Variants in GBP1 observed in about 807,000 individuals in gnomAD.
GBP1 encodes the protein guanylate-binding protein 1.
GBP1 carries 64 observed loss-of-function variants against 69.5 expected under a neutral mutation model. The observed-to-expected ratio is 0.92, with a 90% CI of 0.75 to 1.13. The LOEUF (loss-of-function observed/expected upper bound fraction) is 1.13. GBP1 is among the 50% of genes most tolerant of loss of function. GBP1 has a pLI of 0.00. For missense variants in GBP1, 630 were observed against 704.1 expected (o/e 0.89, Z 1.19); for synonymous variants, 250 against 261.2 (o/e 0.96, Z 0.41).
intron 8 of GBP1, 38 bp from the exon 9 acceptor site, chr1:89,055,253 T>G: frequency 6.2e-7 from 1 of 1,612,144 alleles, no homozygotes. Flanking sequence ...AAGTAGGAAA[T>G]GGCTGTAAGC....
Position 89,056,029 on chromosome 1 carries a change from C to T in GBP1, c.1355G>A (p.Arg452Lys), listed in dbSNP as rs1557748148. The T allele has an allele frequency of 6.2e-7, 1 of 1,613,934 alleles. No individual in the cohort carries two copies. Among genetic ancestry groups the T allele is most frequent in the Non-Finnish European group, 8.5e-7 (1 of 1,179,854 alleles). ...DLKKKYYEEP[R>K]KGIQAEEILQ... ...AATCTTGGTTACCTGTATCCCCTTCCTCGGTTCCTCATAGTACTTTTTCTT... is the reference window on the plus strand; with the variant it reads ...AATCTTGGTTACCTGTATCCCCTTCTTCGGTTCCTCATAGTACTTTTTCTT... The change falls in exon 8 of 11, where the codon AGG becomes AAG. Residue 452 changes from arginine (R) to lysine (K), a missense_variant. By Grantham distance (26) the Arg-to-Lys change is conservative. This residue lies in a region of GBP1 where 367 missense variants were observed against 369.5 expected (regional missense o/e 0.99). Transcript: ENST00000370473.
intron 3 of GBP1, 113 bp from the exon 4 acceptor site, chr1:89,059,539 T>A: frequency 1.4e-6 from 1 of 697,562 alleles, no homozygotes. Context: ...TTCTTTTCTT[T>A]TTTTTTTTTT....
rs183492791 is a variant in GBP1, at chr1:89,054,938, A to G, written c.1472-63T>C. 3 of 1,577,816 alleles carry G rather than the reference A, an allele frequency of 1.9e-6. No individual in the cohort carries two copies. The Admixed American group carries it at 5.2e-5, about 27-fold the overall frequency. On this transcript the variant is annotated intron_variant, in intron 9 of 10. Coordinates refer to ENST00000370473, the MANE Select transcript of GBP1 (RefSeq NM_002053.3). Reference sequence around the variant, plus strand: ...TTATCTTGTTGCCTCATTCTTCCTTATACACTTACCTGTCGTTGTTGCTGA... The same window carrying G: ...TTATCTTGTTGCCTCATTCTTCCTTGTACACTTACCTGTCGTTGTTGCTGA...
chr1:89,062,943 A>T, intron 2 of GBP1, 102 bp downstream of exon 2: 1 of 1,397,162 alleles, frequency 7.2e-7, no homozygotes. Context: ...GTTAGCTTTC[A>T]GTATTCATCC....
chr1:89,054,900 A>C (rs755844942), intron 9 of GBP1, 25 bp from the exon 10 acceptor site: 4 of 1,606,748 alleles, frequency 2.5e-6, no homozygotes, highest in Non-Finnish European at 3.4e-6. Context: ...GCAGAAGAAA[A>C]ATTTGTGTGG....
intron 5 of GBP1, 156 bp downstream of exon 5, chr1:89,058,685 C>G: frequency 1.4e-6 from 1 of 715,276 alleles, no homozygotes; most frequent in Non-Finnish European, 2.3e-6. Flanking sequence ...AAAATAACAT[C>G]TATTAATTTG....
At position 89,058,110 on chromosome 1, in the gene GBP1, T is replaced by C. The variant is rs772869889; in HGVS notation, c.756A>G (p.Lys252=). Residue 252 remains lysine, a synonymous_variant, in exon 6 of 11, where the codon AAA becomes AAG. Coordinates refer to ENST00000370473, the MANE Select transcript of GBP1 (RefSeq NM_002053.3). ...CGGGGTCCAGCTCTTCATCTTGTAG[T>C]TTCTCGAGCTGGGCAAGCTTCCTGC... The part of the protein sequence containing the change: ...VHRRKLAQLE[K]LQDEELDPEF... The C allele has an allele frequency of 6.2e-7, 1 of 1,614,186 alleles. No homozygotes were observed. The highest frequency in any genetic ancestry group is 2.2e-5 in the East Asian group (1 of 44,886).
At chr1:89,058,364 C>T in intron 5 of GBP1, 130 bp from the exon 6 acceptor site, 2 of 785,294 alleles carry the variant, frequency 2.5e-6, no homozygotes, top group Non-Finnish European at 4.1e-6. Context: ...GTTATTGAAG[C>T]ATGACAACAG....
chr1:89,055,111 A>T lies in GBP1; in HGVS notation c.1471+2T>A. 1 of 1,607,674 alleles carries T rather than the reference A, an allele frequency of 6.2e-7. No individual in the cohort carries two copies. Among genetic ancestry groups the T allele is most frequent in the East Asian group, 2.2e-5 (1 of 44,826 alleles). ...CATCTAATCTCTTAACTCACTCCTC[A>T]CCTTCAATCTCCTTTTCTTTTTCTG... is the stretch of plus-strand genomic sequence containing the variant. On this transcript the variant is annotated splice_donor_variant, in intron 9 of 10. Coordinates refer to ENST00000370473, the MANE Select transcript of GBP1 (RefSeq NM_002053.3). LOFTEE classifies it high-confidence loss of function.
intron 1 of GBP1, among the ~76,000 whole-genome samples, chr1:89,063,539 A>C (rs1389643016): frequency 6.6e-6 from 1 of 152,220 alleles, no homozygotes; most frequent in Non-Finnish European, 1.5e-5. Context: ...AGATATTTTC[A>C]CTAGTCAATT....
At chr1:89,055,818 A>G (rs1680027937) in intron 8 of GBP1, 198 bp downstream of exon 8, 1 of 649,960 alleles carries the variant, frequency 1.5e-6, no homozygotes, top group African/African-American at 1.8e-5. Context: ...ATAACTTAAT[A>G]GTTAATTGAC....
chr1:89,058,115 C>T lies in GBP1; in HGVS notation c.751G>A (p.Glu251Lys), dbSNP rs770583236. 43 of 1,614,000 alleles carry T rather than the reference C, an allele frequency of 2.7e-5. No individual in the cohort carries two copies. Among genetic ancestry groups the T allele is most frequent in the Non-Finnish European group, 2.8e-5 (33 of 1,180,010 alleles). Residue 251 changes from glutamate to lysine, a missense_variant, in exon 6 of 11, where the codon GAG becomes AAG. Around this residue, in one of 5 missense-constraint regions of GBP1, gnomAD observed 367 missense variants for 369.5 expected, o/e 0.99. Coordinates refer to ENST00000370473, the MANE Select transcript of GBP1 (RefSeq NM_002053.3). ...TCCAGCTCTTCATCTTGTAGTTTCT[C>T]GAGCTGGGCAAGCTTCCTGCGGTGA... ...PVHRRKLAQLEKLQDEELDPE... is the reference protein window; with the variant it reads ...PVHRRKLAQLKKLQDEELDPE...
At position 89,065,149 on chromosome 1, in the gene GBP1, A is replaced by C. The variant is rs1420180957; in HGVS notation, c.-20+11T>G. ...GAAAGCTGCTTGATGAGAAGTAGTA[A>C]AAGTTCTTACCTGTTCTTTTTCTCC... On this transcript the variant is annotated intron_variant, in intron 1 of 10. Coordinates refer to ENST00000370473, the MANE Select transcript of GBP1 (RefSeq NM_002053.3). 6.6e-6 allele frequency: 1 copy of C among 152,194 alleles called. No homozygotes were observed. The highest frequency in any genetic ancestry group is 1.5e-5 in the Non-Finnish European group (1 of 68,040). The allele number at this position is 152,194 out of a possible 1,614,324, so 9.4% of individuals were successfully genotyped here.
At chr1:89,055,720 A>G (rs551450649) in intron 8 of GBP1, 14 of 478,358 alleles carry the variant, frequency 2.9e-5, no homozygotes, top group Admixed American at 1.1e-4. Flanking sequence ...TTAAGCAGCC[A>G]TCATTGGGTT....
chr1:89,059,252 C>A (rs1680120582), intron 4 of GBP1, 65 bp downstream of exon 4: 1 of 1,613,986 alleles, frequency 6.2e-7, no homozygotes, highest in Non-Finnish European at 8.5e-7. Context: ...CACAGTCAGG[C>A]AGCTGGTGTA....
At chr1:89,059,073 A>C in intron 4 of GBP1, 30 bp from the exon 5 acceptor site, 1 of 1,613,730 alleles carries the variant, frequency 6.2e-7, no homozygotes, top group Non-Finnish European at 8.5e-7. Context: ...AATGTGACAA[A>C]ATGAACAGGG....
At chr1:89,059,536 CTTTTT>C (rs34279176) in intron 3 of GBP1, 110 bp from the exon 4 acceptor site, 176 of 596,062 alleles carry the variant, frequency 3.0e-4, no homozygotes, top group East Asian at 4.1e-4. Context: ...TTTTTCTTTT[CTTTTT>C]TTTTTTTTTT....
chr1:89,058,026 T>A lies in GBP1; in HGVS notation c.840A>T (p.Lys280Asn). ...CSYIFSNSKT[K>N]TLSGGIQVNG... ...TGACCTGGATGCCTCCTGAAAGAGT[T>A]TTAGTTTTGGAATTACTAAAGATGT... The change falls in exon 6 of 11, where the codon AAA becomes AAT. Residue 280 changes from lysine to asparagine, a missense_variant. Coordinates refer to ENST00000370473, the MANE Select transcript of GBP1 (RefSeq NM_002053.3). 6.2e-7 allele frequency: 1 copy of A among 1,613,774 alleles called. No homozygotes were observed. Among genetic ancestry groups the A allele is most frequent in the Non-Finnish European group, 8.5e-7 (1 of 1,179,900 alleles).
chr1:89,062,344 AC>A (rs1191362748), intron 2 of GBP1, among the ~76,000 whole-genome samples: 1 of 152,250 alleles, frequency 6.6e-6, no homozygotes, highest in Non-Finnish European at 1.5e-5. Flanking sequence ...GAGTTTTGAC[AC>A]ATGCTAACAC....
Sources: gnomAD v4.1 joint callset for allele counts (sites outside exome capture counted in the v4.1 genomes callset) on GRCh38, gnomAD v4.1.1 for gene constraint, gnomAD v4.1.1 regional missense constraint, MANE v1.5 for transcripts, NCBI Gene and HGNC (gene_info 2026-07-23, HGNC 2026-07-21) for gene names.